Variants in MYT1L observed in about 807,000 individuals in gnomAD.
The protein encoded by MYT1L is myelin transcription factor 1 like, also known as myelin transcription factor 1-like protein.
Under a neutral mutation model 126.7 loss-of-function variants are expected in MYT1L, and 12 were observed. That is an observed-to-expected ratio of 0.09 (90% confidence interval 0.06 to 0.15). The LOEUF is 0.15. Among genes scored for constraint, MYT1L ranks in the 10% least tolerant of loss-of-function variants. MYT1L has a pLI of 1.00. For synonymous variants in MYT1L, 541 were observed against 604.2 expected, an observed-to-expected ratio of 0.90 and a Z score of 1.53; for missense variants, 979 against 1,585.2, an observed-to-expected ratio of 0.62 and a Z score of 6.49.
At chr2:2,300,890 T>C (rs2149524969) in intron 1 of MYT1L, among the ~76,000 whole-genome samples, 1 of 152,272 alleles carries the variant, frequency 6.6e-6, no homozygotes, top group East Asian at 1.9e-4. Flanking sequence ...CCAGGAAAAC[T>C]AAGTCCTGAT....
intron 2 of MYT1L, among the ~76,000 whole-genome samples, chr2:2,279,564 T>TGAAGGAAGAAAGGAAGAAAG (rs1553619839): frequency 1.6e-5 from 2 of 121,568 alleles, no homozygotes. Flanking sequence ...AAGGAATGAA[T>TGAAGGAAGAAAGGAAGAAAG]GAATGAAGGA....
chr2:1,911,801 T>C (rs2052027414), intron 12 of MYT1L, among the ~76,000 whole-genome samples: 1 of 152,204 alleles, frequency 6.6e-6, no homozygotes, highest in South Asian at 2.1e-4. Flanking sequence ...CTCCTGATAC[T>C]ATACCCTGCT....
At chr2:2,096,984 C>T (rs1304930268) in intron 3 of MYT1L, among the ~76,000 whole-genome samples, 1 of 152,160 alleles carries the variant, frequency 6.6e-6, no homozygotes, top group Non-Finnish European at 1.5e-5. Flanking sequence ...CAGCGGCGGC[C>T]AGGCTGCAGC....
At chr2:1,885,220 G>A (rs2048024624) in intron 18 of MYT1L, 1 of 152,454 alleles carries the variant, frequency 6.6e-6, no homozygotes, top group African/African-American at 2.4e-5. Context: ...TGACCATGAG[G>A]GAAATGTGGT....
chr2:1,840,671 T>C (rs2041539319), intron 20 of MYT1L, 89 bp downstream of exon 20: 2 of 967,300 alleles, frequency 2.1e-6, no homozygotes, highest in Admixed American at 2.4e-5. Context: ...GCTGTCTCTT[T>C]TTCTTGTTGA....
At chr2:1,932,302 T>G (rs2055115290) in intron 9 of MYT1L, among the ~76,000 whole-genome samples, 1 of 152,204 alleles carries the variant, frequency 6.6e-6, no homozygotes, top group Non-Finnish European at 1.5e-5. Flanking sequence ...CTAGATACTT[T>G]CATCAAACTG....
chr2:2,232,962 G>C (rs2094195440), intron 2 of MYT1L, among the ~76,000 whole-genome samples: 1 of 152,124 alleles, frequency 6.6e-6, no homozygotes, highest in Admixed American at 6.5e-5. Flanking sequence ...TGTGAACAGA[G>C]GACAGCCATA....
At chr2:2,161,912 A>T (rs1456269659) in intron 3 of MYT1L, among the ~76,000 whole-genome samples, 1 of 152,188 alleles carries the variant, frequency 6.6e-6, no homozygotes, top group Non-Finnish European at 1.5e-5. Flanking sequence ...TGGGGTTCTA[A>T]CGGAAGTGGT....
At chr2:1,991,399 G>A (rs980424022) in intron 5 of MYT1L, among the ~76,000 whole-genome samples, 1 of 152,074 alleles carries the variant, frequency 6.6e-6, no homozygotes, top group African/African-American at 2.4e-5. Flanking sequence ...CTAGACCCAA[G>A]TGGCCTTTCC....
chr2:1,800,986 A>G (rs866314582), intron 23 of MYT1L, among the ~76,000 whole-genome samples: 5 of 152,144 alleles, frequency 3.3e-5, no homozygotes, highest in African/African-American at 9.7e-5. Context: ...TTCCACTCCC[A>G]GAGTGTACTT....
chr2:2,193,570 C>G (rs369938485), intron 2 of MYT1L, among the ~76,000 whole-genome samples: 2 of 152,118 alleles, frequency 1.3e-5, no homozygotes, highest in African/African-American at 4.8e-5. Flanking sequence ...TGTTATTGAT[C>G]CATTTTGGGT....
chr2:2,295,639 GAGAGAGAT>G (rs2095668982), intron 1 of MYT1L, among the ~76,000 whole-genome samples: 2 of 144,750 alleles, frequency 1.4e-5, no homozygotes, highest in African/African-American at 5.2e-5. Flanking sequence ...GACAGACAGA[GAGAGAGAT>G]AGAGAGACAG....
Position 1,888,071 on chromosome 2 carries a change from T to C in MYT1L, c.2521-462A>G, listed in dbSNP as rs147934764. On this transcript the variant is annotated intron_variant, in intron 16 of 24. Transcript: ENST00000647738. ...GCACATGCTTTAAGATTCAAGGTAATGGAGACCAATTTAGAGGAATGTAAC... is the reference window on the plus strand; with the variant it reads ...GCACATGCTTTAAGATTCAAGGTAACGGAGACCAATTTAGAGGAATGTAAC... 7.9e-3 allele frequency among the ~76,000 whole-genome samples: 1,207 copies of C among 152,338 alleles called. 7 individuals are homozygous for C. Among genetic ancestry groups the C allele is most frequent in the Middle Eastern group, 0.027 (8 of 294 alleles).
chr2:2,180,374 A>AAC lies in MYT1L; in HGVS notation c.-420-7387_-420-7386insGT, dbSNP rs1021964176. ...AAACATAAGCTCTTAAAAAAAAAAA[A>AAC]AACAACAACCTGTATCAGGAAAGAA... On this transcript the variant is annotated intron_variant, in intron 2 of 24. Transcript: ENST00000647738. 4.6e-5 allele frequency among the ~76,000 whole-genome samples: 7 copies of AAC among 152,224 alleles called. No individual in the cohort carries two copies. In the East Asian group the frequency reaches 1.2e-3, roughly 25 times the overall value.
chr2:1,905,186 T>C (rs905604656), intron 13 of MYT1L, among the ~76,000 whole-genome samples: 9 of 152,128 alleles, frequency 5.9e-5, no homozygotes, highest in African/African-American at 2.2e-4. Flanking sequence ...TTACACACTA[T>C]AAAGCTAACA....
At chr2:1,831,214 C>T (rs886131783) in intron 21 of MYT1L, among the ~76,000 whole-genome samples, 1 of 149,712 alleles carries the variant, frequency 6.7e-6, no homozygotes, top group Admixed American at 6.6e-5. Context: ...GGACCCCTGG[C>T]TCCCCCCAGA....
At position 2,330,995 on chromosome 2, in the gene MYT1L, G is replaced by C. The variant is rs1474906396; in HGVS notation, c.-549C>G. ...ACAATGACCACAACCGCTCACAAGC[G>C]AAAGACAAGTTCAATTTTGGTAACT... is the stretch of plus-strand genomic sequence containing the variant. On this transcript the variant is annotated 5_prime_UTR_variant, in exon 1 of 25. Transcript: ENST00000647738. 6.6e-6 allele frequency: 1 copy of C among 152,024 alleles called. No homozygotes were observed. Among genetic ancestry groups the C allele is most frequent in the Admixed American group, 6.6e-5 (1 of 15,266 alleles). The allele number at this position is 152,024 out of a possible 1,614,324, so 9.4% of individuals were successfully genotyped here.
At chr2:1,936,443 A>C (rs1454697419) in intron 9 of MYT1L, among the ~76,000 whole-genome samples, 2 of 152,230 alleles carry the variant, frequency 1.3e-5, no homozygotes, top group East Asian at 3.8e-4. Flanking sequence ...ATGTACTTCA[A>C]CGTAGCTGCA....
At chr2:2,148,996 CATG>C (rs2085321715) in intron 3 of MYT1L, among the ~76,000 whole-genome samples, 1 of 152,116 alleles carries the variant, frequency 6.6e-6, no homozygotes, top group African/African-American at 2.4e-5. Context: ...GCTCTTATTC[CATG>C]ATATGTTCTG....
Sources: gnomAD v4.1 joint callset for allele counts (sites outside exome capture counted in the v4.1 genomes callset) on GRCh38, gnomAD v4.1.1 for gene constraint, MANE v1.5 for transcripts, NCBI Gene and HGNC (gene_info 2026-07-23, HGNC 2026-07-21) for gene names.